Variants in FOXRED1 observed in about 807,000 individuals in gnomAD.
FOXRED1 encodes FAD dependent oxidoreductase domain containing 1, also known as FAD-dependent oxidoreductase domain-containing protein 1.
Under a neutral mutation model 57.8 loss-of-function variants are expected in FOXRED1, and 52 were observed. The observed-to-expected ratio is 0.90, with a 90% CI of 0.72 to 1.13. The LOEUF is 1.13. Among genes scored for constraint, FOXRED1 ranks in the 50% most tolerant of loss-of-function variants. FOXRED1 has a pLI of 0.00. For synonymous variants in FOXRED1, 271 were observed against 248.3 expected, an observed-to-expected ratio of 1.09 and a Z score of -0.86; for missense variants, 589 against 625.2, an observed-to-expected ratio of 0.94 and a Z score of 0.62.
chr11:126,277,389 G>A lies in FOXRED1; in HGVS notation c.1207-46G>A, dbSNP rs568465944. On this transcript the variant is annotated intron_variant, in intron 10 of 10. Transcript: ENST00000263578. This position sits in a 1 kb window ranked among gnomAD's most constrained non-coding sequence, Gnocchi z 6.8. ...GCCCTGAGGGGAGTGAGGATGGAGT[G>A]TGGCTACAGCCTTCCCGAGAACCCC... The A allele has an allele frequency of 1.2e-6, 2 of 1,611,096 alleles. No individual in the cohort carries two copies. Among genetic ancestry groups the A allele is most frequent in the Non-Finnish European group, 1.7e-6 (2 of 1,178,594 alleles).
chr11:126,272,756 C>A lies in FOXRED1; in HGVS notation c.307-213C>A. On this transcript the variant is annotated intron_variant, in intron 2 of 10. Coordinates refer to ENST00000263578, the MANE Select transcript of FOXRED1 (RefSeq NM_017547.4). This position sits in a 1 kb window ranked among gnomAD's most constrained non-coding sequence, Gnocchi z 4.6. The stretch of plus-strand genomic sequence containing the variant: ...TTTTGTACCACTGTGTCAGCTCTTT[C>A]CAGATGACTGACCCTCTCTGCTCTG... 1 of 623,262 alleles carries A rather than the reference C, an allele frequency of 1.6e-6. No individual in the cohort carries two copies. Among genetic ancestry groups the A allele is most frequent in the Non-Finnish European group, 2.9e-6 (1 of 346,142 alleles). The allele number at this position is 623,262 out of a possible 1,614,324, so 38.6% of individuals were successfully genotyped here.
In FOXRED1 at chr11:126,277,348, G is replaced by A; in HGVS notation, c.1207-87G>A. On this transcript the variant is annotated intron_variant, in intron 10 of 10. Coordinates refer to ENST00000263578, the MANE Select transcript of FOXRED1 (RefSeq NM_017547.4). The surrounding 1 kb of genome is among the most constrained non-coding windows in gnomAD (Gnocchi z 6.8). The stretch of plus-strand genomic sequence containing the variant: ...CATAGACCCCTCAGCAGCAGGTAGA[G>A]GGTACTCTGTGCTGAGCCCTGAGGG... The A allele has an allele frequency of 6.7e-7, 1 of 1,491,818 alleles. No individual in the cohort carries two copies. The highest frequency in any genetic ancestry group is 9.3e-7 in the Non-Finnish European group (1 of 1,070,740). The allele number at this position is 1,491,818 out of a possible 1,614,324, so 92.4% of individuals were successfully genotyped here. A position where few individuals can be genotyped will look rare whatever the true frequency, so the allele number is the denominator to read the frequency against.
In FOXRED1 at chr11:126,274,352, A is replaced by G. The variant is rs2135262210; in HGVS notation, c.537-575A>G. 1 of 175,322 alleles carries G rather than the reference A, an allele frequency of 5.7e-6. No individual in the cohort carries two copies. The highest frequency in any genetic ancestry group is 1.2e-5 in the Non-Finnish European group (1 of 80,750). 10.9% of individuals were successfully genotyped at this position (175,322 alleles called of 1,614,324 possible). A position where few individuals can be genotyped will look rare whatever the true frequency, so the allele number is the denominator to read the frequency against. On this transcript the variant is annotated intron_variant, in intron 4 of 10. Transcript: ENST00000263578. This position sits in a 1 kb window ranked among gnomAD's most constrained non-coding sequence, Gnocchi z 4.8. Reference sequence around the variant, plus strand: ...GGAACAAGGTTACCACCTTGTTGTGAAAGTTCATGGAATAGGCTGGGTGCA... The same window carrying G: ...GGAACAAGGTTACCACCTTGTTGTGGAAGTTCATGGAATAGGCTGGGTGCA...
rs758819066 is a variant in FOXRED1, at chr11:126,273,069, G to A, written c.407G>A (p.Arg136Gln). Reference sequence around the variant, plus strand: ...TCCCTCTTTTCAGCCAGCTTTCTACGGAACATCAATGTAGGTGCAATGATA... The same window carrying A: ...TCCCTCTTTTCAGCCAGCTTTCTACAGAACATCAATGTAGGTGCAATGATA... ...QLSLFSASFL[R>Q]NINEYLAVVD... The change falls in exon 3 of 11, where the codon CGG becomes CAG. Residue 136 changes from arginine to glutamine, a missense_variant. By Grantham distance (43) the Arg-to-Gln change is conservative (BLOSUM62 1). Coordinates refer to ENST00000263578, the MANE Select transcript of FOXRED1 (RefSeq NM_017547.4). The surrounding 1 kb of genome is among the most constrained non-coding windows in gnomAD (Gnocchi z 5.9). 8.9e-6 allele frequency: 14 copies of A among 1,566,148 alleles called. No individual in the cohort carries two copies. The highest frequency in any genetic ancestry group is 6.7e-5 in the East Asian group (3 of 44,644).
At position 126,275,688 on chromosome 11, in the gene FOXRED1, G is replaced by T; in HGVS notation, c.734-106G>T. Reference sequence around the variant, plus strand: ...TCTCTGTTTGCTTCAGTGTCTGTGGGAAAGCTCCCATCCTTCCAGCTTTCT... The same window carrying T: ...TCTCTGTTTGCTTCAGTGTCTGTGGTAAAGCTCCCATCCTTCCAGCTTTCT... On this transcript the variant is annotated intron_variant, in intron 6 of 10. Coordinates refer to ENST00000263578, the MANE Select transcript of FOXRED1 (RefSeq NM_017547.4). This position sits in a 1 kb window ranked among gnomAD's most constrained non-coding sequence, Gnocchi z 5.9. 1 of 839,644 alleles carries T rather than the reference G, an allele frequency of 1.2e-6. No homozygotes were observed. The allele number at this position is 839,644 out of a possible 1,614,324, so 52.0% of individuals were successfully genotyped here. A position where few individuals can be genotyped will look rare whatever the true frequency, so the allele number is the denominator to read the frequency against.
chr11:126,274,929 A>G lies in FOXRED1; in HGVS notation c.539A>G (p.Gln180Arg). The part of the protein sequence containing the change: ...AMESNVKVQR[Q>R]EGAKVSLMSP... ...ACCGACCCACACGTTTATCTCAGGC[A>G]GGAGGGAGCCAAAGTTTCTCTGATG... Residue 180 changes from glutamine to arginine, a missense_variant and splice_region_variant, in exon 5 of 11, where the codon CAG becomes CGG. Transcript: ENST00000263578. This position sits in a 1 kb window ranked among gnomAD's most constrained non-coding sequence, Gnocchi z 4.8. 6.2e-7 allele frequency: 1 copy of G among 1,601,016 alleles called. No individual in the cohort carries two copies. The highest frequency in any genetic ancestry group is 8.6e-7 in the Non-Finnish European group (1 of 1,168,098).
At position 126,273,051 on chromosome 11, in the gene FOXRED1, T is replaced by C; in HGVS notation, c.389T>C (p.Phe130Ser). 1 of 1,598,764 alleles carries C rather than the reference T, an allele frequency of 6.3e-7. No individual in the cohort carries two copies. Among genetic ancestry groups the C allele is most frequent in the Non-Finnish European group, 8.6e-7 (1 of 1,165,924 alleles). The stretch of plus-strand genomic sequence containing the variant: ...CCTGAGAACATCCAGCTCTCCCTCT[T>C]TTCAGCCAGCTTTCTACGGAACATC... The part of the protein sequence containing the change: ...SLPENIQLSL[F>S]SASFLRNINE... The change falls in exon 3 of 11, where the codon TTT becomes TCT. Residue 130 changes from phenylalanine (F) to serine (S), a missense_variant. Coordinates refer to ENST00000263578, the MANE Select transcript of FOXRED1 (RefSeq NM_017547.4). This position sits in a 1 kb window ranked among gnomAD's most constrained non-coding sequence, Gnocchi z 5.9.
chr11:126,269,281 C>A lies in FOXRED1; in HGVS notation c.75C>A (p.Gly25=). ...GGAGGCCAGGCACGCGCAGAGGAGGCTTTTCTCTGGGTAAAGTTGAGGACG... is the reference window on the plus strand; with the variant it reads ...GGAGGCCAGGCACGCGCAGAGGAGGATTTTCTCTGGGTAAAGTTGAGGACG... ...LTRRPGTRRG[G]FSLDWDGKVS... is the part of the protein sequence containing the mutation. The change falls in exon 1 of 11, where the codon GGC becomes GGA. Residue 25 remains glycine, a synonymous_variant. Transcript: ENST00000263578. The A allele has an allele frequency of 6.2e-7, 1 of 1,614,138 alleles. No homozygotes were observed. Among genetic ancestry groups the A allele is most frequent in the South Asian group, 1.1e-5 (1 of 91,088 alleles).
intron 1 of FOXRED1, among the ~76,000 whole-genome samples, chr11:126,270,098 TGGA>T (rs1364200793): frequency 6.6e-6 from 1 of 151,966 alleles, no homozygotes; most frequent in Non-Finnish European, 1.5e-5. Context: ...AGATCAGCCT[TGGA>T]GGATGTTTAC....
chr11:126,270,041 C>G (rs117439239), intron 1 of FOXRED1, among the ~76,000 whole-genome samples: 2,925 of 150,358 alleles, frequency 0.019, 44 homozygotes, highest in Non-Finnish European at 0.033. Context: ...ATGCTTTGCA[C>G]TGCTAGCTAG....
At chr11:126,270,003 A>G (rs1351000708) in intron 1 of FOXRED1, among the ~76,000 whole-genome samples, 2 of 151,948 alleles carry the variant, frequency 1.3e-5, no homozygotes, top group Admixed American at 6.6e-5. Context: ...AAAAAAAAAA[A>G]AAAAAAGATT....
chr11:126,273,118 C>T lies in FOXRED1; in HGVS notation c.417+39C>T. On this transcript the variant is annotated intron_variant, in intron 3 of 10. Coordinates refer to ENST00000263578, the MANE Select transcript of FOXRED1 (RefSeq NM_017547.4). The surrounding 1 kb of genome is among the most constrained non-coding windows in gnomAD (Gnocchi z 5.9). The stretch of plus-strand genomic sequence containing the variant: ...TATCCGGGATGTTGGGGTGGTTACC[C>T]CTCCTTTAGCCCAGAGTGGGGAGCA... 8.2e-7 allele frequency: 1 copy of T among 1,214,734 alleles called. No individual in the cohort carries two copies. Among genetic ancestry groups the T allele is most frequent in the African/African-American group, 1.5e-5 (1 of 67,410 alleles). The allele number at this position is 1,214,734 out of a possible 1,614,324, so 75.2% of individuals were successfully genotyped here.
In FOXRED1 at chr11:126,275,633, A is replaced by T. The variant is rs1951107673; in HGVS notation, c.734-161A>T. The T allele has an allele frequency of 2.8e-6, 2 of 720,420 alleles. No homozygotes were observed. The highest frequency in any genetic ancestry group is 2.0e-5 in the Admixed American group (1 of 49,570). The allele number at this position is 720,420 out of a possible 1,614,324, so 44.6% of individuals were successfully genotyped here. A position where few individuals can be genotyped will look rare whatever the true frequency, so the allele number is the denominator to read the frequency against. ...TTGCACCTGAGCACTGTCCTGTCAG[A>T]GTGTGGCCAAGCTCATGCCAGCTCC... On this transcript the variant is annotated intron_variant, in intron 6 of 10. Coordinates refer to ENST00000263578, the MANE Select transcript of FOXRED1 (RefSeq NM_017547.4). The surrounding 1 kb of genome is among the most constrained non-coding windows in gnomAD (Gnocchi z 5.9).
intron 1 of FOXRED1, chr11:126,269,543 G>C (rs1950916589): frequency 2.9e-6 from 2 of 681,874 alleles, no homozygotes; most frequent in Non-Finnish European, 5.2e-6. Flanking sequence ...ATAATCGGTG[G>C]CACAGATGTG....
Position 126,276,468 on chromosome 11 carries a change from A to G in FOXRED1, c.1046A>G (p.Tyr349Cys), listed in dbSNP as rs996020195. ...CTTGTTGCAGACACCAGTGGAGCCT[A>G]TTTTCGCCGGGAAGGATTAGGTAGC... ...TPLVADTSGAYFRREGLGSNY... is the reference protein window; with the variant it reads ...TPLVADTSGACFRREGLGSNY... The change falls in exon 9 of 11, where the codon TAT (tyrosine) becomes TGT (cysteine). Residue 349 changes from tyrosine to cysteine, a missense_variant. Transcript: ENST00000263578. 1.2e-6 allele frequency: 2 copies of G among 1,608,248 alleles called. No individual in the cohort carries two copies. Among genetic ancestry groups the G allele is most frequent in the Non-Finnish European group, 1.7e-6 (2 of 1,177,476 alleles).
intron 7 of FOXRED1, 37 bp from the exon 8 acceptor site, chr11:126,276,022 C>G: frequency 6.2e-7 from 1 of 1,612,358 alleles, no homozygotes; most frequent in Non-Finnish European, 8.5e-7. Context: ...GGTGTGTGGT[C>G]CGGGCCTTCC....
At chr11:126,276,372 G>T (rs753398194) in intron 8 of FOXRED1, 22 bp from the exon 9 acceptor site, 31 of 1,293,028 alleles carry the variant, frequency 2.4e-5, no homozygotes, top group Non-Finnish European at 2.9e-5. Flanking sequence ...TCTGCAGTTC[G>T]TAACCGCACT....
chr11:126,270,466 C>G (rs1385179258), intron 1 of FOXRED1, among the ~76,000 whole-genome samples: 8 of 152,184 alleles, frequency 5.3e-5, no homozygotes. Flanking sequence ...GCAGTTGTGT[C>G]CAAGAGATCA....
chr11:126,273,072 A>T lies in FOXRED1; in HGVS notation c.410A>T (p.Asn137Ile). 1.3e-6 allele frequency: 2 copies of T among 1,547,620 alleles called. No homozygotes were observed. Among genetic ancestry groups the T allele is most frequent in the Non-Finnish European group, 1.8e-6 (2 of 1,119,192 alleles). Residue 137 changes from asparagine to isoleucine, a missense_variant, in exon 3 of 11, where the codon AAC becomes ATC. Transcript: ENST00000263578. This position sits in a 1 kb window ranked among gnomAD's most constrained non-coding sequence, Gnocchi z 5.9. ...LSLFSASFLR[N>I]INEYLAVVDA... ...CTCTTTTCAGCCAGCTTTCTACGGA[A>T]CATCAATGTAGGTGCAATGATATCC... is the stretch of plus-strand genomic sequence containing the variant.
Sources: allele counts gnomAD v4.1 joint callset (sites outside exome capture counted in the v4.1 genomes callset), GRCh38; gene constraint gnomAD v4.1.1; non-coding constraint Gnocchi (gnomAD v3.1); transcripts MANE v1.5; gene names NCBI Gene and HGNC (gene_info 2026-07-23, HGNC 2026-07-21).